RANBP2: variants seen among roughly 807,000 people sequenced by gnomAD.
The protein encoded by RANBP2 is RAN binding protein 2, also known as E3 SUMO-protein ligase RanBP2.
Under a neutral mutation model 303.6 loss-of-function variants are expected in RANBP2, and 57 were observed. The ratio of observed to expected loss-of-function variants is 0.19; its 90% CI spans 0.15 to 0.23. The LOEUF is 0.23. RANBP2 is among the 10% of genes least tolerant of loss of function. The pLI, the probability that RANBP2 is intolerant of heterozygous loss-of-function variation, is 1.00. For synonymous variants in RANBP2, 1,167 were observed against 1,301.5 expected, an observed-to-expected ratio of 0.90 and a Z score of 2.23; for missense variants, 3,138 against 3,780.8, an observed-to-expected ratio of 0.83 and a Z score of 4.46.
the RANBP2 span, among the ~76,000 whole-genome samples, chr2:109,518,910 C>T: frequency 7.3e-6 from 1 of 136,624 alleles, no homozygotes; most frequent in Non-Finnish European, 1.5e-5. Flanking sequence ...GAAGGTGCTA[C>T]ATATCTTTTT....
chr2:109,582,399 A>C, the RANBP2 span, among the ~76,000 whole-genome samples: 1 of 152,166 alleles, frequency 6.6e-6, no homozygotes, highest in Admixed American at 6.6e-5. Flanking sequence ...GGCTCACTGC[A>C]GCTTCGACTT....
the RANBP2 span, among the ~76,000 whole-genome samples, chr2:109,373,293 A>G: frequency 1.3e-5 from 2 of 152,254 alleles, no homozygotes; most frequent in Non-Finnish European, 2.9e-5. Context: ...GCTCTCGGAC[A>G]TTTTTAGCTG....
the RANBP2 span, among the ~76,000 whole-genome samples, chr2:108,982,593 G>T: frequency 6.6e-6 from 1 of 152,154 alleles, no homozygotes; most frequent in Non-Finnish European, 1.5e-5. Flanking sequence ...ATTCTCCAGC[G>T]CCATTTCCCT....
chr2:109,742,437 A>AAAAC, the RANBP2 span, among the ~76,000 whole-genome samples: 17,481 of 144,928 alleles, frequency 0.12, 3,291 homozygotes, highest in African/African-American at 0.31. Context: ...AACAAAAACA[A>AAAAC]AAACAAACAA....
the RANBP2 span, chr2:109,503,740 T>C: frequency 6.6e-6 from 1 of 152,184 alleles, no homozygotes; most frequent in Non-Finnish European, 1.5e-5. Context: ...GAAGTCTTTT[T>C]TTTAAGGCGC....
At chr2:109,456,071 G>A in the RANBP2 span, among the ~76,000 whole-genome samples, 4 of 152,316 alleles carry the variant, frequency 2.6e-5, no homozygotes, top group Non-Finnish European at 4.4e-5. Flanking sequence ...CTGATGCATC[G>A]CTGGGCTCCC....
At chr2:108,786,882 C>G (rs777532596), downstream of RANBP2, 1 of 1,569,162 alleles carries the variant, frequency 6.4e-7, no homozygotes, top group East Asian at 2.5e-5. Context: ...GTCTCAAAAG[C>G]CGCTACGGAC....
chr2:109,448,234 G>GT, the RANBP2 span, among the ~76,000 whole-genome samples: 69 of 152,296 alleles, frequency 4.5e-4, no homozygotes, highest in African/African-American at 1.6e-3. Context: ...CAGGCTTTAT[G>GT]TTTATGAGCA....
chr2:108,947,769 C>G, the RANBP2 span, among the ~76,000 whole-genome samples: 2 of 152,152 alleles, frequency 1.3e-5, no homozygotes, highest in Non-Finnish European at 2.9e-5. Context: ...CCCAGGCCTC[C>G]GGGTCTGTGG....
chr2:109,695,269 A>C, the RANBP2 span, among the ~76,000 whole-genome samples: 1 of 152,112 alleles, frequency 6.6e-6, no homozygotes, highest in African/African-American at 2.4e-5. Context: ...CCAACATGAG[A>C]TTCATCTTGG....
chr2:109,692,365 G>A, the RANBP2 span, among the ~76,000 whole-genome samples: 41 of 152,308 alleles, frequency 2.7e-4, no homozygotes, highest in African/African-American at 9.9e-4. Context: ...GTGTTCTAAA[G>A]TGGTTACGGT....
chr2:108,913,575 T>C, the RANBP2 span, among the ~76,000 whole-genome samples: 19 of 150,758 alleles, frequency 1.3e-4, no homozygotes, highest in Non-Finnish European at 2.1e-4. Flanking sequence ...CACTTTGGGA[T>C]TGTTGTTCAG....
the RANBP2 span, among the ~76,000 whole-genome samples, chr2:109,451,203 A>G: frequency 6.6e-6 from 1 of 152,242 alleles, no homozygotes; most frequent in Non-Finnish European, 1.5e-5. Flanking sequence ...GGCGCCTGGC[A>G]TGAAGGGCAA....
chr2:109,097,233 G>C, the RANBP2 span, among the ~76,000 whole-genome samples: 17 of 152,232 alleles, frequency 1.1e-4, no homozygotes, highest in Non-Finnish European at 1.6e-4. Context: ...GAACCCGGGA[G>C]GTGGAGGTTG....
chr2:109,304,774 G>A, the RANBP2 span, among the ~76,000 whole-genome samples: 1 of 152,318 alleles, frequency 6.6e-6, no homozygotes, highest in Non-Finnish European at 1.5e-5. Context: ...GAAAGGAGCA[G>A]GGACCCGGCT....
the RANBP2 span, chr2:109,592,913 A>C: frequency 2.2e-6 from 1 of 457,938 alleles, no homozygotes; most frequent in Non-Finnish European, 3.8e-6. Flanking sequence ...TTGAATCAAC[A>C]GAAAAATTAA....
the RANBP2 span, among the ~76,000 whole-genome samples, chr2:108,973,356 G>C: frequency 6.6e-6 from 1 of 152,232 alleles, no homozygotes; most frequent in Non-Finnish European, 1.5e-5. Context: ...GACTCAGGGG[G>C]CTGGCTAGGG....
chr2:108,873,148 T>C, the RANBP2 span, among the ~76,000 whole-genome samples: 1 of 152,204 alleles, frequency 6.6e-6, no homozygotes, highest in Non-Finnish European at 1.5e-5. Flanking sequence ...CTGAACTTAT[T>C]GTTACGAACT....
the RANBP2 span, among the ~76,000 whole-genome samples, chr2:109,042,441 C>G: frequency 1.3e-5 from 2 of 152,148 alleles, no homozygotes; most frequent in Non-Finnish European, 2.9e-5. Flanking sequence ...TAGGTCTCAT[C>G]CCAAACTCAG....
Sources: gnomAD v4.1 joint callset for allele counts (sites outside exome capture counted in the v4.1 genomes callset) on GRCh38, gnomAD v4.1.1 for gene constraint, MANE v1.5 for transcripts, NCBI Gene and HGNC (gene_info 2026-07-23, HGNC 2026-07-21) for gene names.